The following VPS13D variants were observed in gnomAD, a reference collection of about 807,000 sequenced individuals.
The protein encoded by VPS13D is intermembrane lipid transfer protein VPS13D.
VPS13D carries 187 observed loss-of-function variants against 461.9 expected under a neutral mutation model. The observed-to-expected ratio is 0.40, with a 90% CI of 0.36 to 0.46. The LOEUF (loss-of-function observed/expected upper bound fraction) is 0.46. Ranked by LOEUF, VPS13D falls within the 20% of genes least tolerant of loss-of-function variation. The pLI is 0.60. For missense variants in VPS13D, 4,711 were observed against 5,364.9 expected, an observed-to-expected ratio of 0.88 and a Z score of 3.81; for synonymous variants, 1,951 against 1,986.3, an observed-to-expected ratio of 0.98 and a Z score of 0.47.
chr1:12,350,329 T>A (rs2101591615), intron 46 of VPS13D, among the ~76,000 whole-genome samples: 1 of 152,262 alleles, frequency 6.6e-6, no homozygotes, highest in South Asian at 2.1e-4. Flanking sequence ...CAGAATGTAT[T>A]TCCTGATCAC....
At chr1:12,296,006 A>T (rs921362448) in intron 24 of VPS13D, among the ~76,000 whole-genome samples, 33 of 152,158 alleles carry the variant, frequency 2.2e-4, no homozygotes, top group African/African-American at 7.5e-4. Flanking sequence ...TGTTGATAAG[A>T]TTCATTCATA....
chr1:12,384,945 T>C (rs1048579735), intron 58 of VPS13D, among the ~76,000 whole-genome samples: 1 of 152,156 alleles, frequency 6.6e-6, no homozygotes, highest in Non-Finnish European at 1.5e-5. Context: ...AAAAACAATC[T>C]TAAGGCAAAA....
chr1:12,352,965 CAAAAAAAAAAAAAAAAAAA>C (rs61588046), intron 46 of VPS13D, among the ~76,000 whole-genome samples: 3 of 17,588 alleles, frequency 1.7e-4, no homozygotes, highest in South Asian at 4.6e-3. Context: ...AACTCAGTCT[CAAAAAAAAAAAAAAAAAAA>C]AAAAAAAAAA....
chr1:12,340,047 A>G (rs1217128059), intron 40 of VPS13D, among the ~76,000 whole-genome samples: 5 of 152,180 alleles, frequency 3.3e-5, no homozygotes, highest in Non-Finnish European at 7.3e-5. Context: ...CATTGCACTC[A>G]TAGAAGAGGG....
In VPS13D at chr1:12,356,311, C is replaced by T. The variant is rs191880525; in HGVS notation, c.9872-87C>T. On this transcript the variant is annotated intron_variant, in intron 48 of 69. Coordinates refer to ENST00000620676, the MANE Select transcript of VPS13D (RefSeq NM_015378.4). ...ATAGATTCAGTTTTCACTCTTTTCC[C>T]GCTTGATGGTTTTATTCATTCACCA... The T allele has an allele frequency of 3.1e-4, 468 of 1,487,288 alleles. 5 individuals are homozygous for T. In the African/African-American group the frequency reaches 5.7e-3, roughly 18 times the overall value. 92.1% of individuals were successfully genotyped at this position (1,487,288 alleles called of 1,614,324 possible). A position where few individuals can be genotyped will look rare whatever the true frequency, so the allele number is the denominator to read the frequency against.
chr1:12,351,232 A>AT (rs1350124685), intron 46 of VPS13D, among the ~76,000 whole-genome samples: 1 of 152,230 alleles, frequency 6.6e-6, no homozygotes, highest in Non-Finnish European at 1.5e-5. Flanking sequence ...TACAGCTACT[A>AT]TGTAAAAACT....
chr1:12,366,587 T>A (rs1644037990), intron 52 of VPS13D, among the ~76,000 whole-genome samples: 1 of 152,190 alleles, frequency 6.6e-6, no homozygotes, highest in Non-Finnish European at 1.5e-5. Context: ...GGAAGCCAGT[T>A]TGGAGGAGGA....
Position 12,474,635 on chromosome 1 carries a change from G to A in VPS13D, c.12662+14239G>A, listed in dbSNP as rs577017203. Among the ~76,000 whole-genome samples, 215 of 152,256 alleles carry A rather than the reference G, an allele frequency of 1.4e-3. 1 individual carries two copies. The highest frequency in any genetic ancestry group is 2.3e-3 in the South Asian group (11 of 4,820). ...TTCTGCATAATGAAAATACAAGATC[G>A]ATAACTGTGGATTATCGTAATGCCT... is the stretch of plus-strand genomic sequence containing the variant. On this transcript the variant is annotated intron_variant, in intron 67 of 69. Transcript: ENST00000620676.
intron 44 of VPS13D, among the ~76,000 whole-genome samples, chr1:12,347,772 A>G (rs975287095): frequency 6.6e-5 from 10 of 152,196 alleles, no homozygotes; most frequent in Admixed American, 1.3e-4. Flanking sequence ...CATTGTTAAT[A>G]TGTTCTGGAC....
At chr1:12,421,447 A>G (rs1021318790) in intron 65 of VPS13D, among the ~76,000 whole-genome samples, 3 of 152,240 alleles carry the variant, frequency 2.0e-5, no homozygotes, top group Non-Finnish European at 4.4e-5. Context: ...GTTGTGTGTC[A>G]TGTGAAGAAT....
intron 5 of VPS13D, among the ~76,000 whole-genome samples, chr1:12,246,698 T>C (rs1640561906): frequency 6.8e-6 from 1 of 146,700 alleles, no homozygotes; most frequent in Non-Finnish European, 1.6e-5. Flanking sequence ...GGGTACGTTC[T>C]TTTGATAGTC....
chr1:12,237,701 C>T (rs1313233198), intron 2 of VPS13D, among the ~76,000 whole-genome samples: 1 of 151,612 alleles, frequency 6.6e-6, no homozygotes, highest in Non-Finnish European at 1.5e-5. Context: ...GTGGTGCACG[C>T]CTGTGGTTCC....
intron 60 of VPS13D, among the ~76,000 whole-genome samples, chr1:12,387,101 AC>A (rs1370759234): frequency 6.6e-6 from 1 of 152,196 alleles, no homozygotes; most frequent in Non-Finnish European, 1.5e-5. Flanking sequence ...ATCAGAGGGA[AC>A]AGTGCCTGCT....
chr1:12,324,736 T>C (rs1643134419), intron 35 of VPS13D, among the ~76,000 whole-genome samples: 1 of 152,264 alleles, frequency 6.6e-6, no homozygotes, highest in Non-Finnish European at 1.5e-5. Context: ...TTAACCACTG[T>C]TACTAGTGGT....
In VPS13D at chr1:12,308,594, A is replaced by T; in HGVS notation, c.6603A>T (p.Leu2201Phe). The T allele has an allele frequency of 1.2e-6, 2 of 1,613,764 alleles. No individual in the cohort carries two copies. The highest frequency in any genetic ancestry group is 1.7e-6 in the Non-Finnish European group (2 of 1,179,986). ...YFVRQTGGSL[L>F]TEPCRLKLQV... The stretch of plus-strand genomic sequence containing the variant: ...TGCGACAGACAGGAGGAAGCCTCTT[A>T]ACCGAGCCTTGTAGGCTGAAATTGC... The change falls in exon 27 of 70, where the codon TTA (leucine) becomes TTT (phenylalanine). Residue 2201 changes from leucine to phenylalanine, a missense_variant. Physicochemically the swap from Leu to Phe is conservative, Grantham distance 22. Coordinates refer to ENST00000620676, the MANE Select transcript of VPS13D (RefSeq NM_015378.4).
intron 36 of VPS13D, 52 bp downstream of exon 36, chr1:12,327,906 T>C: frequency 1.3e-6 from 2 of 1,564,688 alleles, no homozygotes; most frequent in Non-Finnish European, 1.7e-6. Context: ...CAGTCATTGC[T>C]GAATTATTTG....
At chr1:12,449,894 G>C (rs1397733632) in intron 65 of VPS13D, among the ~76,000 whole-genome samples, 1 of 152,326 alleles carries the variant, frequency 6.6e-6, no homozygotes, top group Non-Finnish European at 1.5e-5. Context: ...TGGGGCCGAG[G>C]TAGGCAGATC....
In VPS13D at chr1:12,234,172, C is replaced by A; in HGVS notation, c.-76-19C>A. The stretch of plus-strand genomic sequence containing the variant: ...ATCATCCTGTTTTTATGTTGATTTT[C>A]ATTATTTTCCTTTCATAGATTTTTC... On this transcript the variant is annotated intron_variant, in intron 1 of 69. Coordinates refer to ENST00000620676, the MANE Select transcript of VPS13D (RefSeq NM_015378.4). 1.1e-6 allele frequency: 1 copy of A among 919,116 alleles called. No individual in the cohort carries two copies. The highest frequency in any genetic ancestry group is 1.6e-5 in the South Asian group (1 of 60,624). The allele number at this position is 919,116 out of a possible 1,614,324, so 56.9% of individuals were successfully genotyped here. A position where few individuals can be genotyped will look rare whatever the true frequency, so the allele number is the denominator to read the frequency against.
chr1:12,336,040 G>A (rs1031069725), intron 39 of VPS13D: 10 of 572,480 alleles, frequency 1.7e-5, no homozygotes, highest in African/African-American at 1.3e-4. Flanking sequence ...CCACCTTTGC[G>A]GGGGAGAAAA....
Sources: allele counts gnomAD v4.1 joint callset (sites outside exome capture counted in the v4.1 genomes callset), GRCh38; gene constraint gnomAD v4.1.1; transcripts MANE v1.5; gene names NCBI Gene and HGNC (gene_info 2026-07-23, HGNC 2026-07-21).